DNAI4: variants seen among roughly 807,000 people sequenced by gnomAD.
DNAI4 encodes WD repeat domain 78.
A neutral mutation model predicts 105.8 loss-of-function variants in DNAI4; 85 were observed. The observed-to-expected ratio is 0.80, with a 90% CI of 0.67 to 0.96. The LOEUF is 0.96. Ranked by LOEUF, DNAI4 falls within the 40% of genes least tolerant of loss-of-function variation. The pLI, the probability that DNAI4 is intolerant of heterozygous loss-of-function variation, is 0.00. For missense variants in DNAI4, 1,014 were observed against 1,005.6 expected, an observed-to-expected ratio of 1.01 and a Z score of -0.11; for synonymous variants, 352 against 331.5, an observed-to-expected ratio of 1.06 and a Z score of -0.67.
intron 4 of DNAI4, among the ~76,000 whole-genome samples, chr1:66,880,251 T>C (rs1361818772): frequency 6.6e-6 from 1 of 152,032 alleles, no homozygotes; most frequent in African/African-American, 2.4e-5. Context: ...TTGGTACCAG[T>C]AGAATGGGGT....
rs146352415 is a variant in DNAI4, at chr1:66,821,691, T to A, written c.2496+670A>T. On this transcript the variant is annotated intron_variant, in intron 16 of 16. Coordinates refer to ENST00000371026, the MANE Select transcript of DNAI4 (RefSeq NM_024763.5). ...TTCCTGACCATTGCCCATTTTTTTATTTAAGTCTTGGTGTTTTTTCATATT... is the reference window on the plus strand; with the variant it reads ...TTCCTGACCATTGCCCATTTTTTTAATTAAGTCTTGGTGTTTTTTCATATT... Among the ~76,000 whole-genome samples the A allele has an allele frequency of 1.7e-4, 26 of 152,292 alleles. 1 individual carries two copies. The East Asian group carries it at 5.0e-3, about 29-fold the overall frequency.
In DNAI4 at chr1:66,895,168, T is replaced by C. The variant is rs1648207847; in HGVS notation, c.346-1755A>G. ...TGATAAATGTTAGTGCTATTATAAA[T>C]TGTATCATTTTAAAATGTCTAATTT... On this transcript the variant is annotated intron_variant, in intron 2 of 16. Transcript: ENST00000371026. Among the ~76,000 whole-genome samples the C allele has an allele frequency of 2.6e-5, 4 of 152,206 alleles. No homozygotes were observed. In the South Asian group the frequency reaches 6.2e-4, roughly 24 times the overall value.
At position 66,889,136 on chromosome 1, in the gene DNAI4, C is replaced by T. The variant is rs534912214; in HGVS notation, c.643+2018G>A. Among the ~76,000 whole-genome samples the T allele has an allele frequency of 2.0e-5, 3 of 152,278 alleles. No individual in the cohort carries two copies. In the South Asian group the frequency reaches 6.2e-4, roughly 32 times the overall value. Reference sequence around the variant, plus strand: ...TCCAAACCCTTTCTCTCTCTCCTTGCCTCTTTCTTTTAATAGAAATAATAT... The same window carrying T: ...TCCAAACCCTTTCTCTCTCTCCTTGTCTCTTTCTTTTAATAGAAATAATAT... On this transcript the variant is annotated intron_variant, in intron 4 of 16. Transcript: ENST00000371026.
chr1:66,883,723 G>T (rs1017008816), intron 4 of DNAI4, among the ~76,000 whole-genome samples: 7 of 152,078 alleles, frequency 4.6e-5, no homozygotes, highest in South Asian at 2.1e-4. Context: ...ATTGTAAAGT[G>T]ACAACTTATT....
At chr1:66,922,451 T>C (rs1017108433) in intron 1 of DNAI4, among the ~76,000 whole-genome samples, 3 of 152,150 alleles carry the variant, frequency 2.0e-5, no homozygotes, top group Admixed American at 6.5e-5. Flanking sequence ...CAACGTGGGA[T>C]GTAATTAGGC....
intron 1 of DNAI4, among the ~76,000 whole-genome samples, chr1:66,922,333 T>G (rs56707923): frequency 6.6e-6 from 1 of 151,418 alleles, no homozygotes; most frequent in African/African-American, 2.4e-5. Context: ...TTGACACAGT[T>G]ACCTAAAGGA....
At chr1:66,872,626 G>A (rs1569687081) in intron 5 of DNAI4, among the ~76,000 whole-genome samples, 2 of 151,860 alleles carry the variant, frequency 1.3e-5, no homozygotes, top group African/African-American at 4.8e-5. Flanking sequence ...CAGTTTAATT[G>A]TTCCTCTGTA....
chr1:66,820,539 T>C (rs75928378), intron 16 of DNAI4, among the ~76,000 whole-genome samples: 9,197 of 151,998 alleles, frequency 0.061, 378 homozygotes, highest in Middle Eastern at 0.12. Context: ...ATAAATAAAT[T>C]ATGTTATAAT....
chr1:66,924,060 C>T (rs555021267), intron 1 of DNAI4, among the ~76,000 whole-genome samples: 454 of 152,348 alleles, frequency 3.0e-3, no homozygotes, highest in Middle Eastern at 0.014. Context: ...CGTCTGGGCA[C>T]AGCATGAAAG....
At chr1:66,904,949 A>G (rs1649126021) in intron 2 of DNAI4, 1 of 393,122 alleles carries the variant, frequency 2.5e-6, no homozygotes, top group Non-Finnish European at 4.5e-6. Context: ...TTAATACCAT[A>G]AGCAAATAGT....
At chr1:66,896,895 G>T (rs946315575) in intron 2 of DNAI4, among the ~76,000 whole-genome samples, 13 of 152,112 alleles carry the variant, frequency 8.5e-5, no homozygotes, top group African/African-American at 3.1e-4. Context: ...CAAGAAGTGG[G>T]ACTAATAACA....
intron 4 of DNAI4, among the ~76,000 whole-genome samples, chr1:66,878,606 A>G (rs182638912): frequency 7.2e-5 from 11 of 152,296 alleles, no homozygotes; most frequent in Admixed American, 7.2e-4. Context: ...ATATCTATAC[A>G]TCTATGTTCA....
intron 1 of DNAI4, among the ~76,000 whole-genome samples, chr1:66,912,978 T>A (rs1240811529): frequency 2.0e-5 from 3 of 152,222 alleles, no homozygotes; most frequent in Non-Finnish European, 4.4e-5. Context: ...TCCCTTTTTT[T>A]TGGAGTTTTA....
chr1:66,905,762 A>T (rs11208970), intron 1 of DNAI4, among the ~76,000 whole-genome samples: 10,305 of 152,150 alleles, frequency 0.068, 1,124 homozygotes, highest in African/African-American at 0.23. Context: ...ATCGGTTATT[A>T]TGAGGATTAA....
Position 66,862,775 on chromosome 1 carries a change from C to T in DNAI4, c.941-473G>A, listed in dbSNP as rs1450730442. On this transcript the variant is annotated intron_variant, in intron 6 of 16. Coordinates refer to ENST00000371026, the MANE Select transcript of DNAI4 (RefSeq NM_024763.5). ...TTCACAATATTTTCTGACCATCACA[C>T]CTCCCTTCCCACTACCCCACACCTC... Among the ~76,000 whole-genome samples, 22 of 152,280 alleles carry T rather than the reference C, an allele frequency of 1.4e-4. 1 individual carries two copies. In the South Asian group the frequency reaches 4.6e-3, roughly 32 times the overall value.
intron 3 of DNAI4, among the ~76,000 whole-genome samples, chr1:66,892,999 G>GAGGAA (rs1647856722): frequency 4.3e-5 from 3 of 70,274 alleles, no homozygotes; most frequent in African/African-American, 1.8e-4. Context: ...GAAAGAAAGA[G>GAGGAA]AGAAAGAGAG....
At chr1:66,837,957 T>A (rs1417433833) in intron 9 of DNAI4, among the ~76,000 whole-genome samples, 161 bp from the exon 10 acceptor site, 1 of 152,136 alleles carries the variant, frequency 6.6e-6, no homozygotes, top group Admixed American at 6.5e-5. Flanking sequence ...ACTCTATACC[T>A]CCATATTCCT....
At chr1:66,910,415 G>A (rs1254455199) in intron 1 of DNAI4, among the ~76,000 whole-genome samples, 1 of 152,168 alleles carries the variant, frequency 6.6e-6, no homozygotes, top group Non-Finnish European at 1.5e-5. Flanking sequence ...CAGCCATAGT[G>A]GCATCCTTTA....
chr1:66,908,917 C>CA (rs1209787841), intron 1 of DNAI4, among the ~76,000 whole-genome samples: 2 of 152,222 alleles, frequency 1.3e-5, no homozygotes, highest in African/African-American at 2.4e-5. Context: ...GTAACTTCTT[C>CA]ATACTCCCAC....
Sources: allele counts gnomAD v4.1 joint callset (sites outside exome capture counted in the v4.1 genomes callset), GRCh38; gene constraint gnomAD v4.1.1; transcripts MANE v1.5; gene names NCBI Gene and HGNC (gene_info 2026-07-23, HGNC 2026-07-21).